Variants in CNIH3 observed in about 807,000 individuals in gnomAD.
The protein encoded by CNIH3 is cornichon family AMPA receptor auxiliary protein 3.
CNIH3 carries 14 observed loss-of-function variants against 24.1 expected under a neutral mutation model. The observed-to-expected ratio is 0.58, with a 90% CI of 0.38 to 0.91. The LOEUF is 0.91. CNIH3 is among the 40% of genes least tolerant of loss of function. The probability of loss-of-function intolerance (pLI) is 0.00; values close to 1 mark genes in which losing one functional copy is unlikely to be tolerated. For missense variants in CNIH3, 178 were observed against 196.8 expected, an observed-to-expected ratio of 0.90 and a Z score of 0.57; for synonymous variants, 68 against 73.8, an observed-to-expected ratio of 0.92 and a Z score of 0.40.
intron 4 of CNIH3, among the ~76,000 whole-genome samples, chr1:224,572,632 T>G (rs1233390025): frequency 2.0e-5 from 3 of 146,480 alleles, no homozygotes; most frequent in Middle Eastern, 3.4e-3. Flanking sequence ...AGGATAGGGT[T>G]TTTTTTTTTT....
At chr1:224,618,498 A>G in intron 1 of CNIH3, among the ~76,000 whole-genome samples, 1 of 152,222 alleles carries the variant, frequency 6.6e-6, no homozygotes, top group East Asian at 1.9e-4. Context: ...TTGCAGAGTG[A>G]GAGTTTGTCT....
chr1:224,522,878 T>C (rs367774177), intron 2 of CNIH3, among the ~76,000 whole-genome samples: 2 of 152,214 alleles, frequency 1.3e-5, no homozygotes, highest in African/African-American at 4.8e-5. Flanking sequence ...AATGTATGCA[T>C]ATCTTACTAC....
At chr1:224,459,293 A>T in intron 1 of CNIH3, 1 of 827,064 alleles carries the variant, frequency 1.2e-6, no homozygotes, top group Non-Finnish European at 1.5e-6. Flanking sequence ...CAGAGCTGCC[A>T]AAACAGTTCC....
chr1:224,645,776 C>T (rs1388569901), intron 1 of CNIH3, among the ~76,000 whole-genome samples: 3 of 152,220 alleles, frequency 2.0e-5, no homozygotes, highest in South Asian at 2.1e-4. Context: ...TGCCATTCCC[C>T]ACCCCATAAC....
intron 3 of CNIH3, among the ~76,000 whole-genome samples, chr1:224,694,162 G>C (rs1687059498): frequency 6.6e-6 from 1 of 152,202 alleles, no homozygotes; most frequent in Non-Finnish European, 1.5e-5. Flanking sequence ...CTCCTTTGCA[G>C]ACAGCCCAGG....
intron 1 of CNIH3, among the ~76,000 whole-genome samples, chr1:224,628,379 C>T (rs190837604): frequency 3.1e-4 from 47 of 152,236 alleles, no homozygotes; most frequent in Admixed American, 1.5e-3. Flanking sequence ...CACCATCCAT[C>T]TCCAGAACTT....
intron 5 of CNIH3, among the ~76,000 whole-genome samples, chr1:224,584,177 T>A (rs1041399387): frequency 6.6e-6 from 1 of 152,228 alleles, no homozygotes; most frequent in East Asian, 1.9e-4. Flanking sequence ...TTATTATAAA[T>A]CTCAGCTTGA....
intron 1 of CNIH3, among the ~76,000 whole-genome samples, chr1:224,503,844 A>C (rs536493748): frequency 6.6e-6 from 1 of 152,346 alleles, no homozygotes; most frequent in South Asian, 2.1e-4. Context: ...AGGCTCGGGC[A>C]CGCTGTGCTG....
At chr1:224,574,805 A>G in intron 4 of CNIH3, 2 of 975,458 alleles carry the variant, frequency 2.1e-6, no homozygotes, top group Non-Finnish European at 3.3e-6. Flanking sequence ...AATTTTTCCC[A>G]TTGGATGAGC....
intron 1 of CNIH3, among the ~76,000 whole-genome samples, chr1:224,629,099 CG>C (rs1455363181): frequency 6.6e-6 from 1 of 151,744 alleles, no homozygotes; most frequent in Non-Finnish European, 1.5e-5. Flanking sequence ...CTCTGCCTCC[CG>C]GGTTCAAGCA....
At chr1:224,552,312 G>T (rs1679954536) in intron 3 of CNIH3, among the ~76,000 whole-genome samples, 1 of 151,340 alleles carries the variant, frequency 6.6e-6, no homozygotes. Context: ...GATATTAGGA[G>T]AAATATATCC....
At chr1:224,565,655 C>CT (rs1680549579) in intron 3 of CNIH3, 2 of 152,504 alleles carry the variant, frequency 1.3e-5, no homozygotes, top group Non-Finnish European at 1.5e-5. Flanking sequence ...GCCAACTGGT[C>CT]TTACTCTGCA....
intron 1 of CNIH3, among the ~76,000 whole-genome samples, chr1:224,670,895 A>T (rs1685832296): frequency 6.6e-6 from 1 of 152,172 alleles, no homozygotes; most frequent in African/African-American, 2.4e-5. Context: ...GTTATTCTGG[A>T]TGTTTCTGTG....
At chr1:224,705,861 T>A (rs1687771404) in intron 3 of CNIH3, among the ~76,000 whole-genome samples, 1 of 146,440 alleles carries the variant, frequency 6.8e-6, no homozygotes, top group Non-Finnish European at 1.5e-5. Context: ...TTTTTTTTCT[T>A]TTTTTTTTTT....
At chr1:224,629,611 C>T (rs1182607775) in intron 1 of CNIH3, among the ~76,000 whole-genome samples, 3 of 152,046 alleles carry the variant, frequency 2.0e-5, no homozygotes, top group Admixed American at 6.5e-5. Context: ...TGTGGGTGTA[C>T]GAGCATCCAG....
chr1:224,634,157 A>G (rs896556441), intron 1 of CNIH3, among the ~76,000 whole-genome samples: 3 of 152,236 alleles, frequency 2.0e-5, no homozygotes, highest in Admixed American at 2.0e-4. Context: ...GAGGCAGTGC[A>G]GCATGCTTCC....
At chr1:224,449,648 A>G (rs1223001522) in intron 1 of CNIH3, among the ~76,000 whole-genome samples, 1 of 151,922 alleles carries the variant, frequency 6.6e-6, no homozygotes, top group African/African-American at 2.4e-5. Flanking sequence ...ACACACCACC[A>G]CCCCCGGCTA....
At chr1:224,729,412 C>CAAA (rs1184318000) in intron 3 of CNIH3, among the ~76,000 whole-genome samples, 11 of 44,550 alleles carry the variant, frequency 2.5e-4, no homozygotes, top group African/African-American at 7.1e-4. Flanking sequence ...ACTATGTCTC[C>CAAA]AAAAAAAAAA....
intron 1 of CNIH3, among the ~76,000 whole-genome samples, chr1:224,625,162 T>C (rs375248527): frequency 3.7e-4 from 56 of 152,264 alleles, no homozygotes; most frequent in African/African-American, 1.1e-3. Flanking sequence ...TCTGGATAAT[T>C]TATTACAGCC....
Sources: allele counts gnomAD v4.1 joint callset (sites outside exome capture counted in the v4.1 genomes callset), GRCh38; gene constraint gnomAD v4.1.1; transcripts MANE v1.5; gene names NCBI Gene and HGNC (gene_info 2026-07-23, HGNC 2026-07-21).